SYNJ1: variants seen among roughly 807,000 people sequenced by gnomAD.
SYNJ1 encodes the protein polyphosphatidylinositol phosphatase SYNJ1.
A neutral mutation model predicts 168.2 loss-of-function variants in SYNJ1; 78 were observed. That is an observed-to-expected ratio of 0.46 (90% confidence interval 0.39 to 0.56). The LOEUF (loss-of-function observed/expected upper bound fraction) is 0.56, where lower values mean the gene tolerates loss of function less well. Ranked by LOEUF, SYNJ1 falls within the 20% of genes least tolerant of loss-of-function variation. SYNJ1 has a pLI of 0.00. For missense variants in SYNJ1, 1,303 were observed against 1,597.6 expected (o/e 0.82, Z 3.14); for synonymous variants, 539 against 548.6 (o/e 0.98, Z 0.24).
chr21:32,642,218 A>C, intron 27 of SYNJ1, 85 bp from the exon 28 acceptor site: 1 of 1,468,134 alleles, frequency 6.8e-7, no homozygotes. Flanking sequence ...GTTCTGCTTC[A>C]TTACCAGCAG....
intron 11 of SYNJ1, among the ~76,000 whole-genome samples, chr21:32,679,932 A>G (rs1007890413): frequency 1.3e-4 from 19 of 151,974 alleles, no homozygotes; most frequent in African/African-American, 4.3e-4. Context: ...ATAAAATTTT[A>G]TATCTATATA....
At chr21:32,645,986 C>CA in intron 24 of SYNJ1, 197 bp from the exon 25 acceptor site, 1 of 890,926 alleles carries the variant, frequency 1.1e-6, no homozygotes, top group Non-Finnish European at 1.9e-6. Context: ...ATAATGCTAC[C>CA]TCTGTGCTGA....
At chr21:32,635,180 A>G (rs1316655784) in intron 31 of SYNJ1, among the ~76,000 whole-genome samples, 3 of 152,128 alleles carry the variant, frequency 2.0e-5, no homozygotes, top group Non-Finnish European at 2.9e-5. Flanking sequence ...ATTTTAAGCA[A>G]CCTGTTATGG....
chr21:32,683,985 C>G, intron 10 of SYNJ1, 53 bp downstream of exon 10: 1 of 1,470,248 alleles, frequency 6.8e-7, no homozygotes, highest in African/African-American at 1.4e-5. Context: ...ATTCAAAAAG[C>G]ACTTAAAGAG....
At chr21:32,681,426 G>T in intron 11 of SYNJ1, 70 bp downstream of exon 11, 2 of 1,463,366 alleles carry the variant, frequency 1.4e-6, no homozygotes, top group Non-Finnish European at 9.1e-7. Flanking sequence ...CTTTTAAAAG[G>T]CCATTTAAAA....
chr21:32,677,780 C>CT (rs1313756910), intron 12 of SYNJ1, among the ~76,000 whole-genome samples: 1 of 152,158 alleles, frequency 6.6e-6, no homozygotes, highest in Non-Finnish European at 1.5e-5. Flanking sequence ...TAATCCATAA[C>CT]TTATTTGACC....
At chr21:32,633,344 A>C (rs150918162) in intron 32 of SYNJ1, among the ~76,000 whole-genome samples, 1,711 of 152,272 alleles carry the variant, frequency 0.011, 31 homozygotes, top group African/African-American at 0.038. Flanking sequence ...AGTGGAGCAC[A>C]GCCAAGGGAC....
chr21:32,687,032 T>C lies in SYNJ1; in HGVS notation c.894A>G (p.Ile298Met). 3 of 1,548,172 alleles carry C rather than the reference T, an allele frequency of 1.9e-6. No homozygotes were observed. Among genetic ancestry groups the C allele is most frequent in the East Asian group, 4.8e-5 (2 of 41,378 alleles). Reference sequence around the variant, plus strand: ...CTTCCTTAGATCCAAGCAAATTTACTATTATTTGTTTACCATATAAGTTCT... The same window carrying C: ...CTTCCTTAGATCCAAGCAAATTTACCATTATTTGTTTACCATATAAGTTCT... ...TLKNLYGKQI[I>M]VNLLGSKEGE... The change falls in exon 8 of 33, where the codon ATA (isoleucine) becomes ATG (methionine). Residue 298 changes from isoleucine to methionine, a missense_variant. Physicochemically the swap from Ile to Met is conservative, Grantham distance 10 (BLOSUM62 1). Transcript: ENST00000674351.
chr21:32,658,946 T>A (rs907142764), intron 18 of SYNJ1, among the ~76,000 whole-genome samples: 1 of 152,182 alleles, frequency 6.6e-6, no homozygotes, highest in African/African-American at 2.4e-5. Context: ...TATGAGACAT[T>A]TGGAACTGTA....
Position 32,631,706 on chromosome 21 carries a change from C to G in SYNJ1, c.*99G>C, listed in dbSNP as rs767369716. The G allele has an allele frequency of 6.2e-7, 1 of 1,614,178 alleles. No individual in the cohort carries two copies. The highest frequency in any genetic ancestry group is 8.5e-7 in the Non-Finnish European group (1 of 1,180,034). ...GTGACGTTTGAACAGATAGCTGAGC[C>G]TTTGATACAGCAAGCAGATTAAATG... On this transcript the variant is annotated 3_prime_UTR_variant, in exon 33 of 33. Transcript: ENST00000674351.
chr21:32,666,824 A>T (rs550271620), intron 15 of SYNJ1, among the ~76,000 whole-genome samples: 2 of 152,312 alleles, frequency 1.3e-5, no homozygotes, highest in South Asian at 2.1e-4. Context: ...TGGGTGAGTA[A>T]ATTCAAACTT....
intron 13 of SYNJ1, among the ~76,000 whole-genome samples, chr21:32,675,957 C>G (rs79724530): frequency 0.021 from 3,247 of 152,234 alleles, 51 homozygotes; most frequent in Non-Finnish European, 0.032. Context: ...GGATGGCACT[C>G]AGAAATTAAT....
rs530609352 is a variant in SYNJ1 at position 32,665,681 on chromosome 21, C to T, written c.2145+262G>A. ...AATGTATAAAAGCAAACTGTACCCC[C>T]GACCACCTTGGGCACATGTCATTCT... is the stretch of plus-strand genomic sequence containing the variant. On this transcript the variant is annotated intron_variant, in intron 17 of 32. Coordinates refer to ENST00000674351, the MANE Select transcript of SYNJ1 (RefSeq NM_203446.3). 6.6e-5 allele frequency among the ~76,000 whole-genome samples: 10 copies of T among 152,296 alleles called. No homozygotes were observed. The East Asian group carries it at 1.5e-3, about 24-fold the overall frequency.
intron 10 of SYNJ1, among the ~76,000 whole-genome samples, chr21:32,683,258 G>C (rs528065507): frequency 1.3e-5 from 2 of 151,432 alleles, no homozygotes; most frequent in African/African-American, 2.4e-5. Flanking sequence ...GGAAGACTTA[G>C]AAAGCTCAGC....
At chr21:32,708,345 TC>T (rs1398651733) in intron 2 of SYNJ1, among the ~76,000 whole-genome samples, 1 of 152,212 alleles carries the variant, frequency 6.6e-6, no homozygotes, top group African/African-American at 2.4e-5. Flanking sequence ...TTTCAAGGCA[TC>T]CACTGCACTT....
chr21:32,641,720 G>T (rs2039844517), intron 29 of SYNJ1, among the ~76,000 whole-genome samples, 176 bp downstream of exon 29: 1 of 152,138 alleles, frequency 6.6e-6, no homozygotes, highest in African/African-American at 2.4e-5. Context: ...TATTTTTGAA[G>T]AGTATGTTAA....
At chr21:32,687,836 GCATGGGTTCCA>G (rs2041884069) in intron 7 of SYNJ1, among the ~76,000 whole-genome samples, 1 of 152,148 alleles carries the variant, frequency 6.6e-6, no homozygotes, top group African/African-American at 2.4e-5. Flanking sequence ...CTTTTCATAA[GCATGGGTTCCA>G]CATGGCCGAC....
rs1286981536 is a variant in SYNJ1, at chr21:32,664,979, T to G, written c.2238A>C (p.Ile746=). 6.2e-7 allele frequency: 1 copy of G among 1,613,866 alleles called. No individual in the cohort carries two copies. The highest frequency in any genetic ancestry group is 8.5e-7 in the Non-Finnish European group (1 of 1,179,842). The change falls in exon 18 of 33, where the codon ATA becomes ATC. Residue 746 remains isoleucine (I), a synonymous_variant. Transcript: ENST00000674351. Reference sequence around the variant, plus strand: ...TAAGAGAATCCCAATTTTGCTGTCTTATGAGCTCTTTAACTTCTTCGTTAG... The same window carrying G: ...TAAGAGAATCCCAATTTTGCTGTCTGATGAGCTCTTTAACTTCTTCGTTAG... The part of the protein sequence containing the change: ...DLPNEEVKEL[I]RQQNWDSLIA...
chr21:32,709,477 CAAAAAAAA>C (rs35527256), intron 2 of SYNJ1, among the ~76,000 whole-genome samples: 5 of 39,430 alleles, frequency 1.3e-4, no homozygotes, highest in East Asian at 9.8e-4. Context: ...GACTCTGTCT[CAAAAAAAA>C]AAAAAAAAAA....
Sources: allele counts gnomAD v4.1 joint callset (sites outside exome capture counted in the v4.1 genomes callset), GRCh38; gene constraint gnomAD v4.1.1; transcripts MANE v1.5; gene names NCBI Gene and HGNC (gene_info 2026-07-23, HGNC 2026-07-21).